The following MTX2 variants were observed in gnomAD, a reference collection of about 807,000 sequenced individuals.
MTX2 encodes metaxin-2.
Under a neutral mutation model 42.3 loss-of-function variants are expected in MTX2, and 35 were observed. The ratio of observed to expected loss-of-function variants is 0.83; its 90% CI spans 0.63 to 1.10. The LOEUF (loss-of-function observed/expected upper bound fraction) is 1.10. MTX2 is among the 50% of genes least tolerant of loss of function. The pLI is 0.00. For synonymous variants in MTX2, 119 were observed against 100.9 expected (o/e 1.18, Z -1.08); for missense variants, 307 against 304.1 (o/e 1.01, Z -0.07).
At chr2:176,295,227 TTAATG>T (rs1171207723) in intron 1 of MTX2, among the ~76,000 whole-genome samples, 2 of 152,180 alleles carry the variant, frequency 1.3e-5, no homozygotes. Context: ...GCTAGTAAGA[TTAATG>T]TAATGCATAT....
At chr2:176,286,513 T>C (rs1200464256) in intron 1 of MTX2, among the ~76,000 whole-genome samples, 3 of 152,082 alleles carry the variant, frequency 2.0e-5, no homozygotes, top group African/African-American at 7.2e-5. Flanking sequence ...TTGGGTATTC[T>C]ACTGTCCTCA....
chr2:176,270,305 G>T (rs1275349101), intron 1 of MTX2: 1 of 1,307,994 alleles, frequency 7.6e-7, no homozygotes, highest in Non-Finnish European at 1.0e-6. Context: ...CGAGTAGTTG[G>T]GATTACAGGC....
At chr2:176,289,759 A>T (rs965368621) in intron 1 of MTX2, among the ~76,000 whole-genome samples, 2 of 152,102 alleles carry the variant, frequency 1.3e-5, no homozygotes, top group African/African-American at 4.8e-5. Context: ...GAAATAATTA[A>T]TTTCTAAAAG....
intron 1 of MTX2, among the ~76,000 whole-genome samples, chr2:176,292,810 G>A (rs563664031): frequency 2.6e-5 from 4 of 152,206 alleles, no homozygotes; most frequent in African/African-American, 9.6e-5. Flanking sequence ...GTAATTTGCT[G>A]ATGTCAGCTT....
In MTX2 at chr2:176,330,588, T is replaced by C; in HGVS notation, c.548T>C (p.Leu183Ser). ...GWGKKTLDQVLEDVDQCCQAL... is the reference protein window; with the variant it reads ...GWGKKTLDQVSEDVDQCCQAL... ...GGGGTTCATTGCCTGTGTTAGGTCT[T>C]AGAGGATGTAGACCAGTGCTGTCAA... The change falls in exon 9 of 10, where the codon TTA becomes TCA. Residue 183 changes from leucine to serine, a missense_variant. By Grantham distance (145) the Leu-to-Ser change is moderately radical. Coordinates refer to ENST00000249442, the MANE Select transcript of MTX2 (RefSeq NM_006554.5). 1 of 1,574,144 alleles carries C rather than the reference T, an allele frequency of 6.4e-7. No individual in the cohort carries two copies. Among genetic ancestry groups the C allele is most frequent in the Non-Finnish European group, 8.7e-7 (1 of 1,155,344 alleles).
chr2:176,273,147 T>C (rs1692863999), intron 1 of MTX2, among the ~76,000 whole-genome samples: 1 of 152,168 alleles, frequency 6.6e-6, no homozygotes, highest in Non-Finnish European at 1.5e-5. Flanking sequence ...AACCTACTCT[T>C]GGGATAAAGA....
chr2:176,293,224 T>A (rs1693366055), intron 1 of MTX2, among the ~76,000 whole-genome samples: 1 of 152,222 alleles, frequency 6.6e-6, no homozygotes, highest in East Asian at 1.9e-4. Flanking sequence ...TAGAACATTT[T>A]AAATGATCAG....
intron 4 of MTX2, among the ~76,000 whole-genome samples, chr2:176,324,038 G>C (rs1684646283): frequency 6.6e-6 from 1 of 151,306 alleles, no homozygotes; most frequent in Non-Finnish European, 1.5e-5. Context: ...TTAAATTACT[G>C]TTTTAAATAA....
chr2:176,306,757 TG>T (rs1684158364), intron 3 of MTX2, among the ~76,000 whole-genome samples: 1 of 152,196 alleles, frequency 6.6e-6, no homozygotes, highest in South Asian at 2.1e-4. Context: ...TTGATGGGGT[TG>T]TTTTTTTCTT....
At chr2:176,277,222 T>C (rs1436318287) in intron 1 of MTX2, among the ~76,000 whole-genome samples, 1 of 152,224 alleles carries the variant, frequency 6.6e-6, no homozygotes, top group East Asian at 1.9e-4. Context: ...TTGAAAAGCA[T>C]TCAGAAGAGT....
intron 1 of MTX2, among the ~76,000 whole-genome samples, chr2:176,289,207 C>T (rs13426675): frequency 0.18 from 27,523 of 151,556 alleles, 2,724 homozygotes; most frequent in South Asian, 0.29. Flanking sequence ...TTTTGGGTCA[C>T]GGGTGTTGCT....
At position 176,328,361 on chromosome 2, in the gene MTX2, C is replaced by T. The variant is rs747877073; in HGVS notation, c.354C>T (p.Val118=). Residue 118 remains valine, a synonymous_variant, in exon 6 of 10, where the codon GTC becomes GTT. Coordinates refer to ENST00000249442, the MANE Select transcript of MTX2 (RefSeq NM_006554.5). ...KAEMKAYMEL[V]NNMLLTAELY... ...AAATGAAAGCTTACATGGAATTAGT[C>T]AACAATATGCTGTTGACTGCAGAGG... The T allele has an allele frequency of 8.9e-6, 14 of 1,581,354 alleles. No individual in the cohort carries two copies. The African/African-American group carries it at 1.4e-4, about 15-fold the overall frequency.
At chr2:176,329,245 A>G (rs1204583325) in intron 7 of MTX2, 56 bp from the exon 8 acceptor site, 23 of 1,523,322 alleles carry the variant, frequency 1.5e-5, no homozygotes, top group Non-Finnish European at 2.0e-5. Context: ...CTATTTGTAA[A>G]AACGGGCATT....
intron 3 of MTX2, among the ~76,000 whole-genome samples, chr2:176,315,092 A>C (rs531231503): frequency 6.6e-6 from 1 of 152,276 alleles, no homozygotes; most frequent in South Asian, 2.1e-4. Context: ...TTTTTAATAG[A>C]ACCTGCTTAT....
intron 6 of MTX2, 91 bp from the exon 7 acceptor site, chr2:176,328,783 C>A: frequency 2.5e-6 from 3 of 1,211,104 alleles, no homozygotes; most frequent in East Asian, 4.7e-5. Context: ...ATGAAATTAG[C>A]TTATAAAAAA....
chr2:176,293,298 T>G (rs1046194937), intron 1 of MTX2, among the ~76,000 whole-genome samples: 1 of 152,218 alleles, frequency 6.6e-6, no homozygotes, highest in African/African-American at 2.4e-5. Context: ...AATTACATAT[T>G]AAAGTTATTT....
At chr2:176,283,264 C>G (rs758298684) in intron 1 of MTX2, among the ~76,000 whole-genome samples, 2 of 152,218 alleles carry the variant, frequency 1.3e-5, no homozygotes, top group Non-Finnish European at 2.9e-5. Context: ...TGTTCTTCAC[C>G]TGCTCAACAA....
At chr2:176,295,841 AAAGTT>A (rs1342447644) in intron 1 of MTX2, among the ~76,000 whole-genome samples, 4 of 152,202 alleles carry the variant, frequency 2.6e-5, no homozygotes, top group African/African-American at 7.2e-5. Context: ...ATTATATATT[AAAGTT>A]ATTTGTTGCT....
At chr2:176,291,472 G>A (rs1693327073) in intron 1 of MTX2, among the ~76,000 whole-genome samples, 1 of 152,128 alleles carries the variant, frequency 6.6e-6, no homozygotes, top group Admixed American at 6.5e-5. Flanking sequence ...TTGATGGTGC[G>A]TATTTTCTCA....
Sources: gnomAD v4.1 joint callset for allele counts (sites outside exome capture counted in the v4.1 genomes callset) on GRCh38, gnomAD v4.1.1 for gene constraint, MANE v1.5 for transcripts, NCBI Gene and HGNC (gene_info 2026-07-23, HGNC 2026-07-21) for gene names.